The following OR1L8 variants were observed in gnomAD, a reference collection of about 807,000 sequenced individuals.
The protein encoded by OR1L8 is olfactory receptor 1L8.
For missense variants in OR1L8, 330 were observed against 377.4 expected (o/e 0.87, Z 1.04); for synonymous variants, 148 against 147.0 (o/e 1.01, Z -0.05).
rs140605615 is a variant in OR1L8 at position 122,578,863 on chromosome 9, C to T, written c.-599-418G>A. On this transcript the variant is annotated intron_variant, in intron 1 of 4. Coordinates refer to ENST00000641027, the MANE Select transcript of OR1L8 (RefSeq NM_001004454.2). ...CACACTGGGTACAGTGTACACTGCT[C>T]GGGTGCACCAAAATGTCAGAAATCA... Among the ~76,000 whole-genome samples the T allele has an allele frequency of 5.3e-5, 8 of 152,042 alleles. No homozygotes were observed. The East Asian group carries it at 7.7e-4, about 15-fold the overall frequency.
At chr9:122,577,243 C>T (rs189953940) in intron 2 of OR1L8, among the ~76,000 whole-genome samples, 21 of 152,176 alleles carry the variant, frequency 1.4e-4, no homozygotes, top group East Asian at 3.9e-4. Context: ...TTTAGTCTTT[C>T]GGTATAAGCC....
chr9:122,547,549 G>A, the OR1L8 span, among the ~76,000 whole-genome samples: 1 of 151,644 alleles, frequency 6.6e-6, no homozygotes, highest in Non-Finnish European at 1.5e-5. Context: ...CCATCCTCCT[G>A]AGTCTCCAAT....
the OR1L8 span, among the ~76,000 whole-genome samples, chr9:122,548,585 ATT>A: frequency 1.3e-5 from 2 of 151,378 alleles, no homozygotes; most frequent in East Asian, 1.9e-4. Context: ...ATTTTTTAAA[ATT>A]TTTATATATA....
At chr9:122,575,283 G>A (rs1829633769) in intron 3 of OR1L8, among the ~76,000 whole-genome samples, 1 of 152,040 alleles carries the variant, frequency 6.6e-6, no homozygotes, top group African/African-American at 2.4e-5. Context: ...TTCTTTAAAT[G>A]TTTAGTAGAA....
the OR1L8 span, among the ~76,000 whole-genome samples, chr9:122,560,615 C>T: frequency 1.5e-3 from 225 of 152,160 alleles, no homozygotes; most frequent in African/African-American, 5.3e-3. Context: ...TGAAATTCTG[C>T]GTTGAAAATT....
chr9:122,574,180 C>T (rs1829601234), intron 3 of OR1L8, among the ~76,000 whole-genome samples: 1 of 152,066 alleles, frequency 6.6e-6, no homozygotes. Flanking sequence ...ATTGACTTGG[C>T]TACTCTGGGT....
the OR1L8 span, among the ~76,000 whole-genome samples, chr9:122,556,431 T>G: frequency 6.6e-6 from 1 of 152,114 alleles, no homozygotes; most frequent in Non-Finnish European, 1.5e-5. Flanking sequence ...TCTGTTATAT[T>G]GATCTATTTT....
At chr9:122,553,350 C>T in the OR1L8 span, 1 of 1,614,002 alleles carries the variant, frequency 6.2e-7, no homozygotes, top group African/African-American at 1.3e-5. Context: ...GGGGAACCTG[C>T]TCATTATCCT....
chr9:122,582,437 T>C (rs1324728941), intron 1 of OR1L8, among the ~76,000 whole-genome samples: 1 of 152,040 alleles, frequency 6.6e-6, no homozygotes, highest in Non-Finnish European at 1.5e-5. Flanking sequence ...CAAACAAGGC[T>C]CGGCGCAGTG....
the OR1L8 span, among the ~76,000 whole-genome samples, chr9:122,561,372 C>T: frequency 3.9e-5 from 6 of 152,184 alleles, no homozygotes; most frequent in Non-Finnish European, 5.9e-5. Context: ...ATCCAGTTCA[C>T]GCCCTTGCTG....
chr9:122,569,670 ATTTTATTTTATTTTATTTTATT>A (rs1051720905), intron 4 of OR1L8, among the ~76,000 whole-genome samples: 8 of 11,868 alleles, frequency 6.7e-4, no homozygotes, highest in African/African-American at 1.5e-3. Context: ...ATTTTATTTT[ATTTTATTTTATTTTATTTTATT>A]TTATTATTTA....
At chr9:122,564,403 TG>T (rs552873439), downstream of OR1L8, among the ~76,000 whole-genome samples, 24 of 151,704 alleles carry the variant, frequency 1.6e-4, no homozygotes, top group South Asian at 3.6e-3. Flanking sequence ...ACTTGTGGAG[TG>T]GGGGGGTATT....
chr9:122,579,359 A>C (rs929429578), intron 1 of OR1L8, among the ~76,000 whole-genome samples: 1 of 152,128 alleles, frequency 6.6e-6, no homozygotes, highest in Admixed American at 6.5e-5. Context: ...ACATTTAAAA[A>C]TTTTGCACTA....
At chr9:122,577,422 C>A (rs1302353958) in intron 2 of OR1L8, among the ~76,000 whole-genome samples, 2 of 152,104 alleles carry the variant, frequency 1.3e-5, no homozygotes, top group Non-Finnish European at 2.9e-5. Context: ...TTGGGATAGT[C>A]TGTGTTTAAA....
chr9:122,578,736 T>C (rs969187977), intron 1 of OR1L8, among the ~76,000 whole-genome samples: 2 of 152,098 alleles, frequency 1.3e-5, no homozygotes, highest in Non-Finnish European at 2.9e-5. Flanking sequence ...ATGTTCTCAC[T>C]CATAAGTAGG....
chr9:122,574,902 C>G (rs968725670), intron 3 of OR1L8, among the ~76,000 whole-genome samples: 4 of 152,000 alleles, frequency 2.6e-5, no homozygotes, highest in African/African-American at 9.7e-5. Flanking sequence ...TTTTTAGAAT[C>G]ATAGATGGGT....
intron 1 of OR1L8, among the ~76,000 whole-genome samples, chr9:122,580,908 T>G (rs1829731426): frequency 1.3e-5 from 2 of 152,160 alleles, no homozygotes; most frequent in Non-Finnish European, 2.9e-5. Context: ...CTTTTAGTAA[T>G]AAGAACACAC....
chr9:122,568,949 TG>T (rs1829489157), intron 4 of OR1L8, among the ~76,000 whole-genome samples: 1 of 152,108 alleles, frequency 6.6e-6, no homozygotes, highest in Middle Eastern at 3.4e-3. Context: ...TGGAGGTTGC[TG>T]GGGAGTCAGA....
At chr9:122,578,228 A>G (rs34381166) in intron 2 of OR1L8, 96 bp downstream of exon 2, 16,662 of 152,248 alleles carry the variant, frequency 0.11, 1,106 homozygotes, top group South Asian at 0.18. Context: ...AGGCAGGTGA[A>G]TCATGAGGTC....
Sources: gnomAD v4.1 joint callset for allele counts (sites outside exome capture counted in the v4.1 genomes callset) on GRCh38, gnomAD v4.1.1 for gene constraint, MANE v1.5 for transcripts, NCBI Gene and HGNC (gene_info 2026-07-23, HGNC 2026-07-21) for gene names.